ATP8A2: variants seen among roughly 807,000 people sequenced by gnomAD.
The protein encoded by ATP8A2 is ATPase phospholipid transporting 8A2, also known as phospholipid-transporting ATPase IB.
A neutral mutation model predicts 165.6 loss-of-function variants in ATP8A2; 100 were observed. That is an observed-to-expected ratio of 0.60 (90% CI 0.51 to 0.71). The LOEUF is 0.71. Ranked by LOEUF, ATP8A2 falls within the 30% of genes least tolerant of loss-of-function variation. The pLI, the probability that ATP8A2 is intolerant of heterozygous loss-of-function variation, is 0.00. For missense variants in ATP8A2, 1,227 were observed against 1,479.5 expected (o/e 0.83, Z 2.80); for synonymous variants, 543 against 548.8 (o/e 0.99, Z 0.15).
intron 33 of ATP8A2, among the ~76,000 whole-genome samples, chr13:25,949,437 A>G (rs574400832): frequency 6.6e-6 from 1 of 152,226 alleles, no homozygotes; most frequent in South Asian, 2.1e-4. Context: ...TAGGCATCCA[A>G]TTTTTCTCTC....
intron 27 of ATP8A2, among the ~76,000 whole-genome samples, chr13:25,811,983 G>A (rs572896622): frequency 5.9e-5 from 9 of 152,210 alleles, no homozygotes; most frequent in African/African-American, 2.2e-4. Context: ...GTTTCAACAG[G>A]TGAGGATTTC....
chr13:25,937,620 C>T (rs1476199427), intron 33 of ATP8A2, among the ~76,000 whole-genome samples: 1 of 151,018 alleles, frequency 6.6e-6, no homozygotes, highest in African/African-American at 2.4e-5. Context: ...GAGGCTGAGG[C>T]TGGCGGATCA....
chr13:25,532,702 T>C (rs1371037074), intron 5 of ATP8A2, among the ~76,000 whole-genome samples: 1 of 152,198 alleles, frequency 6.6e-6, no homozygotes, highest in African/African-American at 2.4e-5. Flanking sequence ...GTCTCACTCC[T>C]GTTGCCCAGG....
At chr13:25,420,608 T>A (rs1924784) in intron 1 of ATP8A2, among the ~76,000 whole-genome samples, 66,754 of 152,116 alleles carry the variant, frequency 0.44, 15,569 homozygotes, top group East Asian at 0.6. Flanking sequence ...GCAGGGCTTA[T>A]TACCTAGGTG....
At chr13:25,437,735 A>C (rs1406336774) in intron 1 of ATP8A2, among the ~76,000 whole-genome samples, 1 of 152,230 alleles carries the variant, frequency 6.6e-6, no homozygotes, top group East Asian at 1.9e-4. Flanking sequence ...ATTTTAAAGA[A>C]AATATGTTAA....
At chr13:25,543,716 TCTC>T (rs2038556571) in intron 10 of ATP8A2, among the ~76,000 whole-genome samples, 1 of 152,192 alleles carries the variant, frequency 6.6e-6, no homozygotes, top group South Asian at 2.1e-4. Flanking sequence ...TCTTTCTACT[TCTC>T]CTCTTTATCC....
chr13:25,654,951 AT>A (rs2041895023), intron 24 of ATP8A2, among the ~76,000 whole-genome samples: 1 of 152,162 alleles, frequency 6.6e-6, no homozygotes, highest in South Asian at 2.1e-4. Flanking sequence ...ATCCAGGGTT[AT>A]GTTAACTGCC....
intron 33 of ATP8A2, among the ~76,000 whole-genome samples, chr13:25,938,504 G>A (rs528360362): frequency 2.6e-5 from 4 of 152,300 alleles, no homozygotes; most frequent in South Asian, 2.1e-4. Context: ...TCACATTACC[G>A]TCTGTGGTGT....
intron 25 of ATP8A2, among the ~76,000 whole-genome samples, chr13:25,711,293 C>T (rs974771339): frequency 6.6e-6 from 1 of 152,158 alleles, no homozygotes; most frequent in African/African-American, 2.4e-5. Context: ...GCGTGAGCTA[C>T]CGCGCCTGGC....
rs960398611 is a variant in ATP8A2, at chr13:25,732,777, A to G, written c.2384+33432A>G. On this transcript the variant is annotated intron_variant, in intron 25 of 36. Transcript: ENST00000381655. ...AAAAATATATATAATTTATCCCAGT[A>G]AAAGAACTAGCCTATTGCTGAAAAA... 3.3e-5 allele frequency among the ~76,000 whole-genome samples: 5 copies of G among 152,178 alleles called. No homozygotes were observed. The South Asian group carries it at 8.3e-4, about 25-fold the overall frequency.
intron 35 of ATP8A2, among the ~76,000 whole-genome samples, chr13:25,978,525 AAGGCGTAG>A (rs1297117877): frequency 2.0e-5 from 3 of 152,186 alleles, no homozygotes; most frequent in Non-Finnish European, 4.4e-5. Flanking sequence ...AATTCTTACA[AAGGCGTAG>A]AGAAGAAGTG....
At chr13:26,019,508 G>T (rs1957050935) in intron 36 of ATP8A2, among the ~76,000 whole-genome samples, 1 of 152,242 alleles carries the variant, frequency 6.6e-6, no homozygotes, top group Admixed American at 6.5e-5. Context: ...TTAGCTGGCT[G>T]CCCTACAGCA....
rs1003738910 is a variant in ATP8A2 at position 26,022,145 on chromosome 13, A to G, written c.*2160A>G. The G allele has an allele frequency of 4.6e-5, 7 of 152,240 alleles. No homozygotes were observed. The highest frequency in any genetic ancestry group is 7.3e-5 in the Non-Finnish European group (5 of 68,038). The allele number at this position is 152,240 out of a possible 1,614,324, so 9.4% of individuals were successfully genotyped here. A position where few individuals can be genotyped will look rare whatever the true frequency, so the allele number is the denominator to read the frequency against. On this transcript the variant is annotated 3_prime_UTR_variant, in exon 37 of 37. Coordinates refer to ENST00000381655, the MANE Select transcript of ATP8A2 (RefSeq NM_016529.6). ...AGGAACTCTAACACAAAATGTGCCT[A>G]TGACTAACACGACAAACCAAGGTGT...
chr13:25,877,121 T>A (rs557269919), intron 33 of ATP8A2, among the ~76,000 whole-genome samples: 2 of 152,320 alleles, frequency 1.3e-5, no homozygotes, highest in South Asian at 4.1e-4. Flanking sequence ...TTCTCATACA[T>A]GATATGAAAG....
chr13:25,705,135 C>A (rs886114784), intron 25 of ATP8A2: 3 of 428,934 alleles, frequency 7.0e-6, no homozygotes, highest in South Asian at 5.1e-5. Context: ...TTTCTTCCCC[C>A]TTTCTCATTT....
chr13:25,955,446 C>T (rs1955496631), intron 33 of ATP8A2, among the ~76,000 whole-genome samples: 3 of 152,306 alleles, frequency 2.0e-5, no homozygotes, highest in South Asian at 4.1e-4. Flanking sequence ...AAGGGGATAT[C>T]ACCACTGATC....
chr13:25,576,778 C>T (rs1274191809), intron 19 of ATP8A2, among the ~76,000 whole-genome samples: 2 of 152,146 alleles, frequency 1.3e-5, no homozygotes, highest in East Asian at 3.8e-4. Flanking sequence ...AGAAGTCAAT[C>T]AGATGTGGAC....
chr13:25,986,586 T>G (rs892915284), intron 35 of ATP8A2, among the ~76,000 whole-genome samples: 20 of 152,368 alleles, frequency 1.3e-4, no homozygotes, highest in African/African-American at 4.8e-4. Flanking sequence ...TGTACCACAT[T>G]TTCTTTATTC....
intron 24 of ATP8A2, among the ~76,000 whole-genome samples, chr13:25,622,155 G>A (rs776413814): frequency 6.7e-5 from 10 of 148,548 alleles, no homozygotes; most frequent in African/African-American, 2.5e-4. Flanking sequence ...GCAGTGAGCC[G>A]AGATGGCACC....
Sources: gnomAD v4.1 joint callset for allele counts (sites outside exome capture counted in the v4.1 genomes callset) on GRCh38, gnomAD v4.1.1 for gene constraint, MANE v1.5 for transcripts, NCBI Gene and HGNC (gene_info 2026-07-23, HGNC 2026-07-21) for gene names.